Variants in CREB5 observed in about 807,000 individuals in gnomAD.
The protein encoded by CREB5 is cAMP responsive element binding protein 5.
In CREB5, 19 loss-of-function variants were observed where a neutral mutation model predicts 57.1. The ratio of observed to expected loss-of-function variants is 0.33; its 90% confidence interval spans 0.23 to 0.49. The LOEUF is 0.49. Ranked by LOEUF, CREB5 falls within the 20% of genes least tolerant of loss-of-function variation. The pLI is 0.99. For synonymous variants in CREB5, 238 were observed against 238.3 expected, an observed-to-expected ratio of 1.00 and a Z score of 0.01; for missense variants, 579 against 671.6, an observed-to-expected ratio of 0.86 and a Z score of 1.52.
chr7:28,683,790 G>A (rs886816), intron 5 of CREB5, among the ~76,000 whole-genome samples: 33,671 of 151,946 alleles, frequency 0.22, 4,363 homozygotes, highest in African/African-American at 0.36. Flanking sequence ...GGTCCCTTTT[G>A]CCTATGTCAC....
intron 5 of CREB5, among the ~76,000 whole-genome samples, chr7:28,661,240 C>G (rs981582579): frequency 6.6e-6 from 1 of 152,120 alleles, no homozygotes; most frequent in African/African-American, 2.4e-5. Flanking sequence ...TCCTTAAGCC[C>G]CATTCCTAGT....
intron 1 of CREB5, among the ~76,000 whole-genome samples, chr7:28,487,569 T>C (rs754051483): frequency 1.3e-5 from 2 of 152,214 alleles, no homozygotes; most frequent in African/African-American, 4.8e-5. Context: ...TGTTGAGGCA[T>C]ATCAAATGCC....
chr7:28,782,498 A>C (rs1405254877), intron 7 of CREB5, among the ~76,000 whole-genome samples: 1 of 152,242 alleles, frequency 6.6e-6, no homozygotes, highest in Non-Finnish European at 1.5e-5. Context: ...AAAAAGAAGA[A>C]ATGAAAGAAA....
intron 9 of CREB5, among the ~76,000 whole-genome samples, chr7:28,817,745 T>G (rs1809522131): frequency 6.6e-6 from 1 of 152,214 alleles, no homozygotes; most frequent in South Asian, 2.1e-4. Flanking sequence ...TCAGCTGGGT[T>G]ATGTAATCTA....
At chr7:28,681,883 C>T (rs1259851111) in intron 5 of CREB5, among the ~76,000 whole-genome samples, 1 of 152,156 alleles carries the variant, frequency 6.6e-6, no homozygotes, top group African/African-American at 2.4e-5. Context: ...TTAAGTGGTA[C>T]AATGACTTGC....
chr7:28,342,105 AG>A (rs1785947875), intron 1 of CREB5, among the ~76,000 whole-genome samples: 2 of 152,186 alleles, frequency 1.3e-5, no homozygotes, highest in African/African-American at 4.8e-5. Context: ...AAAAAGTGAA[AG>A]CTGTGTTGGA....
At chr7:28,425,899 A>G (rs1256336645) in intron 1 of CREB5, among the ~76,000 whole-genome samples, 1 of 152,188 alleles carries the variant, frequency 6.6e-6, no homozygotes, top group Non-Finnish European at 1.5e-5. Flanking sequence ...CAAATTGTTC[A>G]AACACAAACT....
Position 28,624,569 on chromosome 7 carries a change from G to A in CREB5, c.464+54032G>A, listed in dbSNP as rs137928665. On this transcript the variant is annotated intron_variant, in intron 5 of 10. Coordinates refer to ENST00000357727, the MANE Select transcript of CREB5 (RefSeq NM_182898.4). The stretch of plus-strand genomic sequence containing the variant: ...AGGGTCTATCTGGCTCCTTCTTTAA[G>A]CCTCCACTTCTGCCTCACCCCAGTA... 7.5e-3 allele frequency among the ~76,000 whole-genome samples: 1,142 copies of A among 151,530 alleles called. 17 individuals carry two copies. The highest frequency in any genetic ancestry group is 0.027 in the African/African-American group (1,100 of 41,274).
intron 1 of CREB5, among the ~76,000 whole-genome samples, chr7:28,455,124 C>G (rs1243259258): frequency 2.0e-5 from 3 of 152,178 alleles, no homozygotes; most frequent in Non-Finnish European, 2.9e-5. Flanking sequence ...CATGTGAAAC[C>G]TACTTCAAGT....
At chr7:28,541,594 G>A (rs961611130) in intron 4 of CREB5, among the ~76,000 whole-genome samples, 1 of 152,164 alleles carries the variant, frequency 6.6e-6, no homozygotes, top group African/African-American at 2.4e-5. Flanking sequence ...TTGAACCCGG[G>A]AGGCAGAGGT....
chr7:28,512,629 A>T (rs1792758063), intron 4 of CREB5, among the ~76,000 whole-genome samples: 1 of 145,948 alleles, frequency 6.9e-6, no homozygotes, highest in Non-Finnish European at 1.5e-5. Context: ...GATGGGAAAT[A>T]GATTTATCAT....
intron 7 of CREB5, among the ~76,000 whole-genome samples, chr7:28,796,395 A>G (rs965391662): frequency 2.0e-5 from 3 of 151,930 alleles, no homozygotes; most frequent in African/African-American, 7.3e-5. Flanking sequence ...ATAATATTCC[A>G]TTGTGCTTTA....
chr7:28,603,311 T>C (rs1796992637), intron 5 of CREB5, among the ~76,000 whole-genome samples: 1 of 152,178 alleles, frequency 6.6e-6, no homozygotes, highest in South Asian at 2.1e-4. Context: ...TTGAATGAAA[T>C]CTAAAAAAAC....
intron 1 of CREB5, among the ~76,000 whole-genome samples, chr7:28,392,774 C>G (rs1303113847): frequency 1.3e-5 from 2 of 152,198 alleles, no homozygotes; most frequent in Admixed American, 6.5e-5. Context: ...TTTCGAGGTA[C>G]AGGTTACACC....
intron 7 of CREB5, among the ~76,000 whole-genome samples, chr7:28,752,310 G>T (rs918615583): frequency 2.0e-5 from 3 of 152,178 alleles, no homozygotes; most frequent in Non-Finnish European, 2.9e-5. Context: ...AGGATTACAG[G>T]TGTCCGCTAC....
chr7:28,671,482 T>TA (rs1309542548), intron 5 of CREB5, among the ~76,000 whole-genome samples: 1 of 152,194 alleles, frequency 6.6e-6, no homozygotes, highest in Non-Finnish European at 1.5e-5. Flanking sequence ...ACAGCAATCC[T>TA]AATTTTTCAG....
At chr7:28,319,943 T>A (rs6972131) in intron 1 of CREB5, among the ~76,000 whole-genome samples, 89,135 of 150,998 alleles carry the variant, frequency 0.59, 27,178 homozygotes, top group Middle Eastern at 0.74. Flanking sequence ...TTTAAAAAAA[T>A]TTTTTGAGAC....
chr7:28,610,172 C>T (rs146649890), intron 5 of CREB5, among the ~76,000 whole-genome samples: 2 of 152,136 alleles, frequency 1.3e-5, no homozygotes, highest in African/African-American at 2.4e-5. Flanking sequence ...TTCAGAGCTA[C>T]AGGGATGTCT....
intron 5 of CREB5, among the ~76,000 whole-genome samples, chr7:28,705,951 C>A (rs115101003): frequency 0.011 from 1,728 of 152,282 alleles, 48 homozygotes; most frequent in African/African-American, 0.039. Context: ...CTTATAAATA[C>A]CCTGAGAAGA....
Sources: gnomAD v4.1 joint callset for allele counts (sites outside exome capture counted in the v4.1 genomes callset) on GRCh38, gnomAD v4.1.1 for gene constraint, MANE v1.5 for transcripts, NCBI Gene and HGNC (gene_info 2026-07-23, HGNC 2026-07-21) for gene names.